NAP1L1: variants seen among roughly 807,000 people sequenced by gnomAD.
NAP1L1 encodes nucleosome assembly protein 1-like 1.
NAP1L1 carries 9 observed loss-of-function variants against 58.9 expected under a neutral mutation model. The ratio of observed to expected loss-of-function variants is 0.15; its 90% CI spans 0.09 to 0.27. The LOEUF (loss-of-function observed/expected upper bound fraction) is 0.27. Among genes scored for constraint, NAP1L1 ranks in the 10% least tolerant of loss-of-function variants. The pLI, the probability that NAP1L1 is intolerant of heterozygous loss-of-function variation, is 1.00. For synonymous variants in NAP1L1, 130 were observed against 138.3 expected, an observed-to-expected ratio of 0.94 and a Z score of 0.42; for missense variants, 302 against 458.8, an observed-to-expected ratio of 0.66 and a Z score of 3.12.
rs1362731291 is a variant in NAP1L1 at position 76,067,478 on chromosome 12, A to T, written c.104-5T>A. The T allele has an allele frequency of 2.5e-6, 3 of 1,199,292 alleles. No homozygotes were observed. The highest frequency in any genetic ancestry group is 3.3e-5 in the South Asian group (2 of 60,596). 74.3% of individuals were successfully genotyped at this position (1,199,292 alleles called of 1,614,324 possible). A position where few individuals can be genotyped will look rare whatever the true frequency, so the allele number is the denominator to read the frequency against. ...TCTGAACAGTTAGCTGACGTGCTTT[A>T]AAAAAAAAAGGGCATCGAAAGAAGG... On this transcript the variant is annotated splice_polypyrimidine_tract_variant and splice_region_variant and intron_variant, in intron 3 of 14. Coordinates refer to ENST00000618691, the MANE Select transcript of NAP1L1 (RefSeq NM_004537.7).
At chr12:76,069,940 A>G (rs1324092210) in intron 2 of NAP1L1, among the ~76,000 whole-genome samples, 1 of 152,154 alleles carries the variant, frequency 6.6e-6, no homozygotes, top group African/African-American at 2.4e-5. Context: ...TTCCTGTGTA[A>G]ATTTTTTATT....
At chr12:76,074,818 C>T (rs1268512393) in intron 1 of NAP1L1, among the ~76,000 whole-genome samples, 2 of 152,158 alleles carry the variant, frequency 1.3e-5, no homozygotes, top group Non-Finnish European at 2.9e-5. Context: ...CTCTAGGTCC[C>T]AATCTTAATG....
intron 2 of NAP1L1, among the ~76,000 whole-genome samples, chr12:76,071,575 T>A (rs950789019): frequency 1.3e-5 from 2 of 152,138 alleles, no homozygotes; most frequent in African/African-American, 4.8e-5. Flanking sequence ...TTGAGAGAAC[T>A]GAAATCTAAG....
chr12:76,049,207 T>C lies in NAP1L1; in HGVS notation c.1133A>G (p.Asp378Gly), dbSNP rs766501750. 6.2e-7 allele frequency: 1 copy of C among 1,613,580 alleles called. No individual in the cohort carries two copies. The highest frequency in any genetic ancestry group is 1.1e-5 in the South Asian group (1 of 91,066). ...EGDEENDPDY[D>G]PKKDQNPAEC... Reference sequence around the variant, plus strand: ...AGCACTAATTTTGCTCACCTTTGGGTCATAGTCTGGATCATTTTCCTCATC... The same window carrying C: ...AGCACTAATTTTGCTCACCTTTGGGCCATAGTCTGGATCATTTTCCTCATC... Residue 378 changes from aspartate (D) to glycine (G), a missense_variant, in exon 14 of 15, where the codon GAC becomes GGC. Transcript: ENST00000618691.
intron 1 of NAP1L1, among the ~76,000 whole-genome samples, chr12:76,083,204 A>G (rs1235517113): frequency 6.6e-6 from 1 of 152,156 alleles, no homozygotes; most frequent in African/African-American, 2.4e-5. Flanking sequence ...TGCAGGCTAC[A>G]AACTTGGCAA....
intron 6 of NAP1L1, among the ~76,000 whole-genome samples, chr12:76,058,522 G>A (rs1183385105): frequency 6.6e-6 from 1 of 151,714 alleles, no homozygotes; most frequent in Non-Finnish European, 1.5e-5. Flanking sequence ...GAGTAGGTGG[G>A]ATTAGAGGCA....
At chr12:76,060,617 T>G (rs772445603) in intron 4 of NAP1L1, among the ~76,000 whole-genome samples, 1 of 152,202 alleles carries the variant, frequency 6.6e-6, no homozygotes, top group African/African-American at 2.4e-5. Flanking sequence ...GATTTTTCTT[T>G]TACATATATC....
chr12:76,065,985 T>A (rs1205543787), intron 4 of NAP1L1, among the ~76,000 whole-genome samples: 1 of 149,976 alleles, frequency 6.7e-6, no homozygotes, highest in Non-Finnish European at 1.5e-5. Context: ...TGTTTACAAC[T>A]TGATATGCAA....
intron 4 of NAP1L1, chr12:76,061,071 G>C (rs1427143589): frequency 2.3e-6 from 1 of 436,708 alleles, no homozygotes; most frequent in African/African-American, 2.0e-5. Flanking sequence ...CTCCAGCCTG[G>C]CTGACAGAAT....
intron 13 of NAP1L1, 144 bp from the exon 14 acceptor site, chr12:76,049,394 T>C (rs893300104): frequency 1.9e-6 from 3 of 1,538,482 alleles, no homozygotes; most frequent in Non-Finnish European, 2.6e-6. Context: ...CAATTTAATT[T>C]GAAAGCTTCT....
intron 1 of NAP1L1, among the ~76,000 whole-genome samples, chr12:76,082,301 A>G (rs1342799013): frequency 6.6e-6 from 1 of 152,230 alleles, no homozygotes; most frequent in Non-Finnish European, 1.5e-5. Context: ...AGGAGCCAAC[A>G]GGAGCAAGCT....
At chr12:76,075,164 T>A (rs992562984) in intron 1 of NAP1L1, among the ~76,000 whole-genome samples, 11 of 152,032 alleles carry the variant, frequency 7.2e-5, no homozygotes, top group Non-Finnish European at 1.0e-4. Context: ...CATGTTAAAA[T>A]CAAGTTTATC....
At position 76,056,290 on chromosome 12, in the gene NAP1L1, C is replaced by T. The variant is rs185465179; in HGVS notation, c.430-129G>A. ...CAAAGTTCTAGTCTATCTGTGTAAA[C>T]ACCGCCGTTGCCCATAACAAACCTT... On this transcript the variant is annotated intron_variant, in intron 6 of 14. Coordinates refer to ENST00000618691, the MANE Select transcript of NAP1L1 (RefSeq NM_004537.7). 165 of 918,666 alleles carry T rather than the reference C, an allele frequency of 1.8e-4. No homozygotes were observed. In the African/African-American group the frequency reaches 2.5e-3, roughly 14 times the overall value. The allele number at this position is 918,666 out of a possible 1,614,324, so 56.9% of individuals were successfully genotyped here. A position where few individuals can be genotyped will look rare whatever the true frequency, so the allele number is the denominator to read the frequency against.
At chr12:76,053,620 G>C in intron 9 of NAP1L1, 150 bp downstream of exon 9, 2 of 1,011,482 alleles carry the variant, frequency 2.0e-6, no homozygotes, top group East Asian at 2.7e-5. Flanking sequence ...GAGAATTACA[G>C]GAAACTTGAT....
intron 6 of NAP1L1, chr12:76,057,643 G>C: frequency 1.6e-5 from 22 of 1,389,366 alleles, no homozygotes; most frequent in Non-Finnish European, 2.2e-5. Flanking sequence ...TTATTGTGGA[G>C]TCTGTTCATT....
intron 11 of NAP1L1, 93 bp from the exon 12 acceptor site, chr12:76,050,746 G>C (rs1165512557): frequency 7.4e-7 from 1 of 1,349,262 alleles, no homozygotes; most frequent in African/African-American, 1.5e-5. Context: ...GGGTGTGATG[G>C]CTCACAACTG....
chr12:76,049,890 AC>A, intron 12 of NAP1L1, 105 bp from the exon 13 acceptor site: 1 of 1,260,450 alleles, frequency 7.9e-7, no homozygotes, highest in Non-Finnish European at 1.1e-6. Flanking sequence ...AAAAGAGAAA[AC>A]CTACTTTCCT....
At chr12:76,079,405 C>A (rs1326725093) in intron 1 of NAP1L1, among the ~76,000 whole-genome samples, 1 of 152,058 alleles carries the variant, frequency 6.6e-6, no homozygotes, top group African/African-American at 2.4e-5. Context: ...GAGACTGAGG[C>A]AGGAAGATCA....
intron 4 of NAP1L1, among the ~76,000 whole-genome samples, chr12:76,066,243 C>A (rs1287315120): frequency 6.6e-6 from 1 of 151,782 alleles, no homozygotes; most frequent in Non-Finnish European, 1.5e-5. Flanking sequence ...GGATTTAAGA[C>A]CTAAATGTAA....
Sources: gnomAD v4.1 joint callset for allele counts (sites outside exome capture counted in the v4.1 genomes callset) on GRCh38, gnomAD v4.1.1 for gene constraint, MANE v1.5 for transcripts, NCBI Gene and HGNC (gene_info 2026-07-23, HGNC 2026-07-21) for gene names.